USH2A: variants seen among roughly 807,000 people sequenced by gnomAD.
The protein encoded by USH2A is Usher syndrome 2A (autosomal recessive, mild).
USH2A carries 443 observed loss-of-function variants against 538.9 expected under a neutral mutation model. The observed-to-expected ratio is 0.82, with a 90% CI of 0.76 to 0.89. The LOEUF (loss-of-function observed/expected upper bound fraction) is 0.89. Ranked by LOEUF, USH2A falls within the 40% of genes least tolerant of loss-of-function variation. The pLI is 0.00. For synonymous variants in USH2A, 2,413 were observed against 2,273.5 expected (o/e 1.06, Z -1.75); for missense variants, 6,633 against 6,324.8 (o/e 1.05, Z -1.65).
chr1:215,925,045 T>A (rs1295714552), intron 38 of USH2A, among the ~76,000 whole-genome samples: 1 of 152,078 alleles, frequency 6.6e-6, no homozygotes, highest in Non-Finnish European at 1.5e-5. Context: ...ATACAAAAAG[T>A]GAAAAAATTG....
intron 58 of USH2A, among the ~76,000 whole-genome samples, chr1:215,749,193 T>C (rs898430557): frequency 1.3e-5 from 2 of 152,170 alleles, no homozygotes; most frequent in East Asian, 1.9e-4. Context: ...ATGTCTTCAG[T>C]CTGTACCTAC....
intron 25 of USH2A, among the ~76,000 whole-genome samples, chr1:216,083,966 A>G (rs1005599156): frequency 2.6e-5 from 4 of 152,150 alleles, no homozygotes; most frequent in South Asian, 4.1e-4. Context: ...TATTAATATC[A>G]TATGCCTTTT....
rs1348183693 is a variant in USH2A, at chr1:216,232,043, C to A, written c.2903G>T (p.Gly968Val). The change falls in exon 14 of 72, where the codon GGT becomes GTT. Residue 968 changes from glycine (G) to valine (V), a missense_variant. Physicochemically the swap from Gly to Val is moderately radical, Grantham distance 109 (BLOSUM62 -3). Transcript: ENST00000307340. ...GGAAGCATCTTGGCAAACACACTGA[C>A]CAGTCAGGCTATTACAGATGTGATT... ...AVNHICNSLT[G>V]QCVCQDASIA... The A allele has an allele frequency of 3.1e-6, 5 of 1,613,930 alleles. No individual in the cohort carries two copies. Among genetic ancestry groups the A allele is most frequent in the African/African-American group, 1.3e-5 (1 of 74,922 alleles).
chr1:216,350,734 A>T (rs994186141), intron 4 of USH2A, among the ~76,000 whole-genome samples: 4 of 152,114 alleles, frequency 2.6e-5, no homozygotes, highest in Admixed American at 1.3e-4. Context: ...GCTGGCACTG[A>T]GTGCCTGCAG....
chr1:216,285,892 C>G (rs993423501), intron 11 of USH2A, among the ~76,000 whole-genome samples: 6 of 152,192 alleles, frequency 3.9e-5, no homozygotes, highest in African/African-American at 1.4e-4. Context: ...TTGCTTTGGC[C>G]AATTTCTCCT....
At chr1:215,936,729 C>A (rs1666508662) in intron 37 of USH2A, among the ~76,000 whole-genome samples, 1 of 152,026 alleles carries the variant, frequency 6.6e-6, no homozygotes, top group South Asian at 2.1e-4. Flanking sequence ...CCTACCTATT[C>A]TCTACCCCTT....
chr1:216,145,622 C>T (rs960671410), intron 21 of USH2A, among the ~76,000 whole-genome samples: 1 of 152,198 alleles, frequency 6.6e-6, no homozygotes. Context: ...TGAGCCCAAG[C>T]CAAGCCATCG....
At chr1:215,805,145 G>A (rs570449726) in intron 49 of USH2A, among the ~76,000 whole-genome samples, 2 of 151,892 alleles carry the variant, frequency 1.3e-5, no homozygotes, top group African/African-American at 4.8e-5. Flanking sequence ...GGGGTGGGGA[G>A]ATGGGGGAGG....
intron 15 of USH2A, among the ~76,000 whole-genome samples, chr1:216,209,061 G>A (rs2035180575): frequency 6.6e-6 from 1 of 152,198 alleles, no homozygotes; most frequent in African/African-American, 2.4e-5. Flanking sequence ...TCTGGGGATA[G>A]TGGGGATCCA....
At chr1:216,409,932 A>G (rs1033259233) in intron 3 of USH2A, among the ~76,000 whole-genome samples, 1 of 152,154 alleles carries the variant, frequency 6.6e-6, no homozygotes, top group Non-Finnish European at 1.5e-5. Context: ...CAGATAACCT[A>G]TAGAGTGAGA....
At chr1:215,651,681 T>C (rs1187471503) in intron 64 of USH2A, among the ~76,000 whole-genome samples, 4 of 148,626 alleles carry the variant, frequency 2.7e-5, no homozygotes, top group African/African-American at 9.9e-5. Flanking sequence ...AAAAAAAGCA[T>C]GCAGAATGTT....
At chr1:216,345,370 C>T (rs780955953) in intron 4 of USH2A, among the ~76,000 whole-genome samples, 1 of 151,902 alleles carries the variant, frequency 6.6e-6, no homozygotes, top group Non-Finnish European at 1.5e-5. Context: ...CTGGCCAGGA[C>T]AGAAAAAAAG....
chr1:215,698,557 C>T (rs1013699548), intron 61 of USH2A, among the ~76,000 whole-genome samples: 2 of 152,202 alleles, frequency 1.3e-5, no homozygotes, highest in Non-Finnish European at 2.9e-5. Flanking sequence ...TTTTGATTTG[C>T]ATTTCTCTAA....
intron 47 of USH2A, among the ~76,000 whole-genome samples, chr1:215,827,816 T>G (rs1423050159): frequency 2.6e-5 from 4 of 152,178 alleles, no homozygotes; most frequent in Admixed American, 6.5e-5. Flanking sequence ...TTCTGTATCC[T>G]TCAGCCCAAC....
intron 57 of USH2A, among the ~76,000 whole-genome samples, chr1:215,759,090 G>A (rs979061048): frequency 1.4e-4 from 22 of 152,156 alleles, no homozygotes; most frequent in Admixed American, 1.4e-3. Context: ...AGGGAAATAT[G>A]TTTAGAGAAA....
intron 47 of USH2A, among the ~76,000 whole-genome samples, chr1:215,826,611 T>C (rs989225724): frequency 5.9e-5 from 9 of 152,152 alleles, no homozygotes; most frequent in Non-Finnish European, 1.2e-4. Flanking sequence ...TGATCATGAA[T>C]CTTAATTATC....
At chr1:216,141,224 C>T (rs17026170) in intron 21 of USH2A, among the ~76,000 whole-genome samples, 9,278 of 152,270 alleles carry the variant, frequency 0.061, 364 homozygotes, top group East Asian at 0.18. Flanking sequence ...AATACACACA[C>T]GTTAATCTCC....
rs773237799 is a variant in USH2A, at chr1:215,675,039, G to C, written c.12872C>G (p.Ser4291Cys). ...LLISWIPPEQ[S>C]NGIIQSYRLQ... ...CCTATAGGACTGGATAATACCATTA[G>C]ACTGTTCTGGTGGGATCCAGGAAAT... Residue 4291 changes from serine to cysteine, a missense_variant, in exon 63 of 72, where the codon TCT (serine) becomes TGT (cysteine). Ser to Cys is a moderately radical substitution (Grantham distance 112). Transcript: ENST00000307340. 3.7e-6 allele frequency: 6 copies of C among 1,614,164 alleles called. No individual in the cohort carries two copies. The highest frequency in any genetic ancestry group is 3.3e-5 in the South Asian group (3 of 91,076).
chr1:215,639,004 CA>C (rs368936764), intron 69 of USH2A, 150 bp downstream of exon 69: 8,471 of 566,274 alleles, frequency 0.015, 4 homozygotes, highest in Middle Eastern at 0.021. Context: ...AAAAAAAAAA[CA>C]AAAAAAAAAA....
Sources: allele counts gnomAD v4.1 joint callset (sites outside exome capture counted in the v4.1 genomes callset), GRCh38; gene constraint gnomAD v4.1.1; transcripts MANE v1.5; gene names NCBI Gene and HGNC (gene_info 2026-07-23, HGNC 2026-07-21).